ZNF883: variants seen among roughly 807,000 people sequenced by gnomAD.
ZNF883 encodes the protein zinc finger protein 883.
At chr9:113,005,573 T>C (rs1828466848) in intron 2 of ZNF883, among the ~76,000 whole-genome samples, 1 of 152,206 alleles carries the variant, frequency 6.6e-6, no homozygotes, top group African/African-American at 2.4e-5. Flanking sequence ...GGTTTATTTA[T>C]TTGTATTTAC....
At chr9:112,990,911 A>G (rs1297307011) in intron 1 of ZNF883, among the ~76,000 whole-genome samples, 1 of 152,182 alleles carries the variant, frequency 6.6e-6, no homozygotes. Flanking sequence ...AAGTGTTTAT[A>G]GTAGTCTCTG....
At chr9:113,001,397 G>A (rs778113919), upstream of ZNF883, among the ~76,000 whole-genome samples, 3 of 152,078 alleles carry the variant, frequency 2.0e-5, no homozygotes, top group Non-Finnish European at 4.4e-5. Flanking sequence ...CTGATGTACA[G>A]AATGGAAAGA....
chr9:113,007,138 G>A (rs973233428), intron 2 of ZNF883, among the ~76,000 whole-genome samples: 1 of 152,178 alleles, frequency 6.6e-6, no homozygotes, highest in Non-Finnish European at 1.5e-5. Context: ...AGGTTGCAGT[G>A]AGCTGAGATC....
chr9:113,006,933 C>T (rs778784099), intron 2 of ZNF883, among the ~76,000 whole-genome samples: 1 of 151,892 alleles, frequency 6.6e-6, no homozygotes, highest in African/African-American at 2.4e-5. Context: ...CAGTGGCTCA[C>T]GCCTGTAATC....
intron 1 of ZNF883, among the ~76,000 whole-genome samples, chr9:112,990,204 G>A (rs1019520069): frequency 1.3e-5 from 2 of 152,166 alleles, no homozygotes; most frequent in Non-Finnish European, 2.9e-5. Context: ...GGTTTTCAAG[G>A]GGAAAGATTC....
intron 2 of ZNF883, among the ~76,000 whole-genome samples, chr9:113,006,498 G>T (rs573517351): frequency 7.2e-5 from 11 of 152,220 alleles, no homozygotes; most frequent in South Asian, 6.2e-4. Flanking sequence ...CTGTCGGCTT[G>T]CTCTGGAGTT....
chr9:112,997,793 G>C, exon 1 of ZNF883: 1 of 1,613,294 alleles, frequency 6.2e-7, no homozygotes, highest in Non-Finnish European at 8.5e-7. Flanking sequence ...TCCACATTCA[G>C]TACATTCATA....
At chr9:112,993,626 G>A (rs554254493), downstream of ZNF883, among the ~76,000 whole-genome samples, 12 of 152,326 alleles carry the variant, frequency 7.9e-5, no homozygotes, top group East Asian at 1.9e-4. Context: ...CAGACTGCCC[G>A]GATTCCTCAG....
downstream of ZNF883, among the ~76,000 whole-genome samples, chr9:112,994,809 T>C (rs745422741): frequency 2.6e-5 from 4 of 152,142 alleles, no homozygotes; most frequent in Non-Finnish European, 2.9e-5. Context: ...TTTTCTAATA[T>C]TGAATGTATT....
downstream of ZNF883, among the ~76,000 whole-genome samples, chr9:112,994,784 G>A (rs1170832201): frequency 6.6e-6 from 1 of 151,086 alleles, no homozygotes; most frequent in African/African-American, 2.4e-5. Flanking sequence ...TATCATTTTA[G>A]TAGTTCTAAT....
chr9:112,992,616 C>T (rs901826798), downstream of ZNF883, among the ~76,000 whole-genome samples: 70 of 152,226 alleles, frequency 4.6e-4, no homozygotes, highest in African/African-American at 1.6e-3. Flanking sequence ...TGAATAAGAA[C>T]GTTGGCTTGT....
upstream of ZNF883, among the ~76,000 whole-genome samples, chr9:113,001,604 C>G (rs568924208): frequency 6.6e-6 from 1 of 152,208 alleles, no homozygotes; most frequent in South Asian, 2.1e-4. Flanking sequence ...GTTACTAGCA[C>G]CACCATAATG....
At chr9:113,003,707 C>T (rs916564831) in intron 2 of ZNF883, among the ~76,000 whole-genome samples, 3 of 152,082 alleles carry the variant, frequency 2.0e-5, no homozygotes, top group African/African-American at 7.2e-5. Context: ...GAAAGCTACA[C>T]CCAGGAATAG....
intron 1 of ZNF883, among the ~76,000 whole-genome samples, chr9:112,991,844 T>C (rs1027721242): frequency 6.6e-6 from 1 of 152,202 alleles, no homozygotes; most frequent in Non-Finnish European, 1.5e-5. Flanking sequence ...ATGCCCTTCT[T>C]TGTGTTTTTT....
upstream of ZNF883, chr9:112,999,696 A>T (rs1344634263): frequency 6.6e-6 from 1 of 152,244 alleles, no homozygotes; most frequent in Non-Finnish European, 1.5e-5. Flanking sequence ...GATACAATTC[A>T]GGAGAAGCCA....
chr9:112,993,311 A>G (rs543405433), downstream of ZNF883, among the ~76,000 whole-genome samples: 1 of 151,898 alleles, frequency 6.6e-6, no homozygotes, highest in Non-Finnish European at 1.5e-5. Flanking sequence ...TTTTTCTTTT[A>G]ACAGTCAGGT....
upstream of ZNF883, among the ~76,000 whole-genome samples, chr9:113,001,281 C>T (rs1182075586): frequency 6.6e-6 from 1 of 151,816 alleles, no homozygotes; most frequent in Non-Finnish European, 1.5e-5. Flanking sequence ...GCAAGAAAAC[C>T]TTTTTAATGT....
At chr9:112,990,342 A>G (rs1828290130) in intron 1 of ZNF883, among the ~76,000 whole-genome samples, 1 of 152,178 alleles carries the variant, frequency 6.6e-6, no homozygotes, top group Non-Finnish European at 1.5e-5. Context: ...GAATTTTATC[A>G]AAGTCCTTTT....
upstream of ZNF883, among the ~76,000 whole-genome samples, chr9:113,000,654 A>T (rs184470866): frequency 1.3e-4 from 20 of 152,248 alleles, no homozygotes; most frequent in Admixed American, 3.9e-4. Context: ...TTTTCTAGCC[A>T]AGGAGGCTGG....
Sources: gnomAD v4.1 joint callset for allele counts (sites outside exome capture counted in the v4.1 genomes callset) on GRCh38, gnomAD v4.1.1 for gene constraint, MANE v1.5 for transcripts, NCBI Gene and HGNC (gene_info 2026-07-23, HGNC 2026-07-21) for gene names.